Variants in ADAM23 observed in about 807,000 individuals in gnomAD.
ADAM23 encodes the protein disintegrin and metalloproteinase domain-containing protein 23.
Under a neutral mutation model 120.1 loss-of-function variants are expected in ADAM23, and 33 were observed. That is an observed-to-expected ratio of 0.27 (90% CI 0.21 to 0.37). The LOEUF (loss-of-function observed/expected upper bound fraction) is 0.37, where lower values mean the gene tolerates loss of function less well. Ranked by LOEUF, ADAM23 falls within the 10% of genes least tolerant of loss-of-function variation. The pLI, the probability that ADAM23 is intolerant of heterozygous loss-of-function variation, is 1.00. For missense variants in ADAM23, 862 were observed against 1,058.2 expected (o/e 0.81, Z 2.57); for synonymous variants, 367 against 375.2 (o/e 0.98, Z 0.25).
At position 206,608,140 on chromosome 2, in the gene ADAM23, A is replaced by G. The variant is rs532044606; in HGVS notation, c.2360-1770A>G. The G allele has an allele frequency of 8.4e-4, 248 of 295,188 alleles. 2 individuals are homozygous for G. Among genetic ancestry groups the G allele is most frequent in the African/African-American group, 5.0e-3 (222 of 44,340 alleles). The allele number at this position is 295,188 out of a possible 1,614,324, so 18.3% of individuals were successfully genotyped here. A position where few individuals can be genotyped will look rare whatever the true frequency, so the allele number is the denominator to read the frequency against. On this transcript the variant is annotated intron_variant, in intron 24 of 25. Coordinates refer to ENST00000264377, the MANE Select transcript of ADAM23 (RefSeq NM_003812.4). Reference sequence around the variant, plus strand: ...TTAGCAAACTTCTGTAAAAGGCCAGATGGTAAATAGTTTTAGCTTTCAGCC... The same window carrying G: ...TTAGCAAACTTCTGTAAAAGGCCAGGTGGTAAATAGTTTTAGCTTTCAGCC...
intron 4 of ADAM23, among the ~76,000 whole-genome samples, chr2:206,539,245 T>C (rs1018285725): frequency 4.6e-5 from 7 of 152,190 alleles, no homozygotes; most frequent in African/African-American, 1.7e-4. Flanking sequence ...CTTCCACTTA[T>C]CAGATGCTCC....
chr2:206,555,673 A>G (rs1399250288), intron 9 of ADAM23, among the ~76,000 whole-genome samples: 2 of 152,196 alleles, frequency 1.3e-5, no homozygotes, highest in African/African-American at 4.8e-5. Context: ...ATGTTTTAAA[A>G]CTTGTCATGT....
At chr2:206,486,117 G>A (rs560000075) in intron 3 of ADAM23, among the ~76,000 whole-genome samples, 4 of 152,274 alleles carry the variant, frequency 2.6e-5, no homozygotes, top group African/African-American at 4.8e-5. Flanking sequence ...GAGGAGTGTG[G>A]GTCTGAAGCC....
At chr2:206,492,921 T>C (rs1162266850) in intron 3 of ADAM23, among the ~76,000 whole-genome samples, 1 of 152,158 alleles carries the variant, frequency 6.6e-6, no homozygotes, top group Non-Finnish European at 1.5e-5. Flanking sequence ...CTTAGAGAAA[T>C]AAAAAACTTT....
intron 3 of ADAM23, among the ~76,000 whole-genome samples, chr2:206,483,197 G>T (rs559900084): frequency 6.6e-6 from 1 of 152,294 alleles, no homozygotes; most frequent in Non-Finnish European, 1.5e-5. Context: ...TGCTCCATGT[G>T]GATAACAAGG....
intron 16 of ADAM23, 88 bp from the exon 17 acceptor site, chr2:206,571,639 A>G: frequency 1.1e-6 from 1 of 879,166 alleles, no homozygotes; most frequent in South Asian, 1.4e-5. Context: ...AAATGTTCTC[A>G]TTTGGAATAT....
At chr2:206,603,712 T>A (rs1698680770) in intron 24 of ADAM23, among the ~76,000 whole-genome samples, 1 of 152,238 alleles carries the variant, frequency 6.6e-6, no homozygotes, top group South Asian at 2.1e-4. Context: ...TTCTAAAACC[T>A]ACATGATTTT....
intron 3 of ADAM23, among the ~76,000 whole-genome samples, chr2:206,510,968 G>A (rs1696611425): frequency 6.6e-6 from 1 of 152,044 alleles, no homozygotes; most frequent in Admixed American, 6.5e-5. Context: ...TTTTAGGAAA[G>A]TTCTGTTCTG....
intron 2 of ADAM23, among the ~76,000 whole-genome samples, chr2:206,464,582 AATAAT>A (rs1021938917): frequency 1.3e-5 from 2 of 151,204 alleles, no homozygotes; most frequent in African/African-American, 4.9e-5. Flanking sequence ...CAAAAAAAAA[AATAAT>A]AATAATAATA....
intron 7 of ADAM23, 22 bp downstream of exon 7, chr2:206,547,523 C>T (rs370021124): frequency 1.9e-6 from 3 of 1,575,972 alleles, no homozygotes; most frequent in Non-Finnish European, 2.6e-6. Context: ...CTAAAAATAG[C>T]GATTATATTT....
chr2:206,590,172 A>G (rs1461986871), intron 21 of ADAM23, among the ~76,000 whole-genome samples: 3 of 151,848 alleles, frequency 2.0e-5, no homozygotes, highest in Non-Finnish European at 4.4e-5. Flanking sequence ...ATCTCAGCTC[A>G]CTGCGACCTC....
Position 206,443,918 on chromosome 2 carries a change from C to G in ADAM23, c.52C>G (p.Leu18Val). Residue 18 changes from leucine to valine, a missense_variant, in exon 1 of 26, where the codon CTT (leucine) becomes GTT (valine). Leu to Val is a conservative substitution (Grantham distance 32, BLOSUM62 1). Coordinates refer to ENST00000264377, the MANE Select transcript of ADAM23 (RefSeq NM_003812.4). ...GCAGCCGCCCCTGGCGGGCTGCAGC[C>G]TTGCCGGCGCTTCCTGCGGCCCCCA... ...SRQPPLAGCS[L>V]AGASCGPQRG... 5.7e-6 allele frequency: 7 copies of G among 1,220,392 alleles called. No homozygotes were observed. The highest frequency in any genetic ancestry group is 7.1e-6 in the Non-Finnish European group (7 of 983,646). 75.6% of individuals were successfully genotyped at this position (1,220,392 alleles called of 1,614,324 possible).
chr2:206,462,431 C>T (rs1000292465), intron 2 of ADAM23, among the ~76,000 whole-genome samples: 14 of 152,194 alleles, frequency 9.2e-5, no homozygotes, highest in African/African-American at 3.4e-4. Flanking sequence ...TATCTTTTGT[C>T]TGCCTGCTCT....
intron 4 of ADAM23, among the ~76,000 whole-genome samples, chr2:206,533,169 C>A (rs1697103328): frequency 6.6e-6 from 1 of 151,958 alleles, no homozygotes; most frequent in Non-Finnish European, 1.5e-5. Context: ...CATAATGCAG[C>A]CTTTTTTCCC....
intron 2 of ADAM23, among the ~76,000 whole-genome samples, chr2:206,452,944 A>G (rs755350874): frequency 2.0e-5 from 3 of 152,108 alleles, no homozygotes; most frequent in Non-Finnish European, 4.4e-5. Context: ...TCTCTCTGTC[A>G]ATCCATCAGT....
At chr2:206,516,484 T>G (rs1395200648) in intron 3 of ADAM23, among the ~76,000 whole-genome samples, 2 of 152,192 alleles carry the variant, frequency 1.3e-5, no homozygotes, top group East Asian at 3.9e-4. Flanking sequence ...AAGTCTAAGA[T>G]CAAGGCACCT....
chr2:206,564,103 A>G (rs1697827972), intron 13 of ADAM23, among the ~76,000 whole-genome samples: 1 of 152,056 alleles, frequency 6.6e-6, no homozygotes, highest in African/African-American at 2.4e-5. Flanking sequence ...GAGTTTAAAA[A>G]ATCCATTTGG....
At position 206,583,150 on chromosome 2, in the gene ADAM23, A is replaced by G. The variant is rs573710695; in HGVS notation, c.1738-4175A>G. 3.3e-5 allele frequency among the ~76,000 whole-genome samples: 5 copies of G among 152,180 alleles called. No individual in the cohort carries two copies. In the East Asian group the frequency reaches 5.8e-4, roughly 18 times the overall value. ...ATTATTCCCTCGAATATGTTTTCCA[A>G]GCTTTTAGAATTCTCTTCCTCCGGC... On this transcript the variant is annotated intron_variant, in intron 18 of 25. Coordinates refer to ENST00000264377, the MANE Select transcript of ADAM23 (RefSeq NM_003812.4).
At chr2:206,497,878 A>G (rs1410696813) in intron 3 of ADAM23, among the ~76,000 whole-genome samples, 2 of 152,164 alleles carry the variant, frequency 1.3e-5, no homozygotes, top group Admixed American at 1.3e-4. Flanking sequence ...CAGAGAGCCA[A>G]ATCATGAGTG....
Sources: allele counts gnomAD v4.1 joint callset (sites outside exome capture counted in the v4.1 genomes callset), GRCh38; gene constraint gnomAD v4.1.1; transcripts MANE v1.5; gene names NCBI Gene and HGNC (gene_info 2026-07-23, HGNC 2026-07-21).